Variants in PRKAA1 observed in about 807,000 individuals in gnomAD.
The protein encoded by PRKAA1 is 5'-AMP-activated protein kinase catalytic subunit alpha-1.
Under a neutral mutation model 56.9 loss-of-function variants are expected in PRKAA1, and 23 were observed. The ratio of observed to expected loss-of-function variants is 0.40; its 90% CI spans 0.29 to 0.57. PRKAA1 has a LOEUF of 0.57. Among genes scored for constraint, PRKAA1 ranks in the 20% least tolerant of loss-of-function variants. PRKAA1 has a pLI of 0.39. For synonymous variants in PRKAA1, 226 were observed against 227.0 expected, an observed-to-expected ratio of 1.00 and a Z score of 0.04; for missense variants, 413 against 679.7, an observed-to-expected ratio of 0.61 and a Z score of 4.36.
At chr5:40,796,739 T>C (rs1028820910) in intron 1 of PRKAA1, among the ~76,000 whole-genome samples, 3 of 152,218 alleles carry the variant, frequency 2.0e-5, no homozygotes, top group African/African-American at 7.2e-5. Flanking sequence ...GAAGGAAGCG[T>C]TCTTCTCTTC....
chr5:40,774,549 A>ACTTTTTTTTTTTTTTTTTTTT (rs1554031839), intron 3 of PRKAA1, among the ~76,000 whole-genome samples: 1 of 125,084 alleles, frequency 8.0e-6, no homozygotes. Context: ...TCCAGGCAGA[A>ACTTTTTTTTTTTTTTTTTTTT]TTTTTTTTTT....
chr5:40,765,269 G>A (rs771976560), intron 6 of PRKAA1, 31 bp from the exon 7 acceptor site: 24 of 1,575,196 alleles, frequency 1.5e-5, no homozygotes, highest in Non-Finnish European at 1.9e-5. Context: ...TCAGGAGAAG[G>A]ACTTTGAATA....
chr5:40,780,310 G>A (rs753653858), intron 1 of PRKAA1, among the ~76,000 whole-genome samples: 1 of 152,016 alleles, frequency 6.6e-6, no homozygotes, highest in Non-Finnish European at 1.5e-5. Flanking sequence ...TTTTGCAAGG[G>A]AACAATTTCA....
At chr5:40,780,238 T>C (rs1744209841) in intron 1 of PRKAA1, among the ~76,000 whole-genome samples, 1 of 152,178 alleles carries the variant, frequency 6.6e-6, no homozygotes, top group African/African-American at 2.4e-5. Context: ...CAATAATAAT[T>C]AGCTTTTAAA....
At chr5:40,794,993 G>T (rs1013994389) in intron 1 of PRKAA1, among the ~76,000 whole-genome samples, 6 of 113,410 alleles carry the variant, frequency 5.3e-5, no homozygotes, top group African/African-American at 2.0e-4. Context: ...AGAAACTGTG[G>T]TGTATACATA....
chr5:40,788,513 G>C (rs1045272761), intron 1 of PRKAA1, among the ~76,000 whole-genome samples: 14 of 151,972 alleles, frequency 9.2e-5, no homozygotes, highest in Non-Finnish European at 1.9e-4. Flanking sequence ...TAAACAAATG[G>C]GATGACATCA....
chr5:40,786,573 C>T (rs1477392231), intron 1 of PRKAA1, among the ~76,000 whole-genome samples: 1 of 151,218 alleles, frequency 6.6e-6, no homozygotes, highest in Non-Finnish European at 1.5e-5. Context: ...CTACATCAAG[C>T]AGAAGAAAAG....
chr5:40,786,348 G>C (rs1167617947), intron 1 of PRKAA1, among the ~76,000 whole-genome samples: 2 of 151,740 alleles, frequency 1.3e-5, no homozygotes, highest in African/African-American at 4.8e-5. Flanking sequence ...ATGGCCCTTT[G>C]ATTTCAAATT....
chr5:40,788,713 G>A (rs1356287232), intron 1 of PRKAA1, among the ~76,000 whole-genome samples: 3 of 152,054 alleles, frequency 2.0e-5, no homozygotes, highest in Non-Finnish European at 2.9e-5. Context: ...TGTAGTCCCA[G>A]CTACTCATGA....
At chr5:40,773,982 C>G (rs982682660) in intron 3 of PRKAA1, among the ~76,000 whole-genome samples, 29 of 152,184 alleles carry the variant, frequency 1.9e-4, no homozygotes, top group Admixed American at 7.9e-4. Context: ...GGAGCACTGG[C>G]AGCTAAGCTA....
intron 1 of PRKAA1, among the ~76,000 whole-genome samples, chr5:40,795,813 A>G (rs1744902477): frequency 6.6e-6 from 1 of 152,214 alleles, no homozygotes; most frequent in African/African-American, 2.4e-5. Context: ...CCTTGGACTA[A>G]TATTGGCCTT....
intron 6 of PRKAA1, among the ~76,000 whole-genome samples, chr5:40,765,746 G>A (rs1174156557): frequency 1.5e-5 from 1 of 67,944 alleles, no homozygotes; most frequent in African/African-American, 5.9e-5. Flanking sequence ...TGAAGGAATT[G>A]AGGTTAAAAA....
chr5:40,762,788 A>G lies in PRKAA1; in HGVS notation c.1670T>C (p.Leu557Pro). Reference sequence around the variant, plus strand: ...AGCAAAGTTTTCTGTTTATTGTGCAAGAATTTTAATTAGATTTGCACACAT... The same window carrying G: ...AGCAAAGTTTTCTGTTTATTGTGCAGGAATTTTAATTAGATTTGCACACAT... ...FEMCANLIKILAQ is the reference protein window; with the variant it reads ...FEMCANLIKIPAQ Residue 557 changes from leucine (L) to proline (P), a missense_variant, in exon 9 of 9, where the codon CTT becomes CCT. By Grantham distance (98) the Leu-to-Pro change is moderately conservative. Around this residue, in one of 9 missense-constraint regions of PRKAA1, gnomAD observed 139 missense variants for 171.5 expected, o/e 0.81. Coordinates refer to ENST00000397128, the MANE Select transcript of PRKAA1 (RefSeq NM_006251.6). 1 of 1,614,062 alleles carries G rather than the reference A, an allele frequency of 6.2e-7. No homozygotes were observed. Among genetic ancestry groups the G allele is most frequent in the Non-Finnish European group, 8.5e-7 (1 of 1,179,942 alleles).
intron 8 of PRKAA1, 141 bp downstream of exon 8, chr5:40,764,373 C>A: frequency 2.6e-6 from 2 of 757,942 alleles, no homozygotes; most frequent in East Asian, 2.8e-5. Flanking sequence ...GTTAATATTG[C>A]AAAGGCACAA....
intron 4 of PRKAA1, among the ~76,000 whole-genome samples, chr5:40,771,450 T>C (rs946688268): frequency 6.6e-6 from 1 of 152,192 alleles, no homozygotes; most frequent in African/African-American, 2.4e-5. Context: ...TGCAGTGAGC[T>C]ATGATCACGT....
chr5:40,794,437 G>T (rs1744841729), intron 1 of PRKAA1, among the ~76,000 whole-genome samples: 1 of 152,104 alleles, frequency 6.6e-6, no homozygotes, highest in African/African-American at 2.4e-5. Flanking sequence ...CCACTGTGTG[G>T]GTTGTCTGTT....
Position 40,763,007 on chromosome 5 carries a change from G to T in PRKAA1, c.1451C>A (p.Ala484Asp). 5 of 1,613,938 alleles carry T rather than the reference G, an allele frequency of 3.1e-6. No homozygotes were observed. Among genetic ancestry groups the T allele is most frequent in the Non-Finnish European group, 4.2e-6 (5 of 1,179,862 alleles). ...CTGTGGAGTAGCAGTCCCTGATTTG[G>T]CTTCTGTAATTTCATCTGGGTAAAA... ...FRSIDDEITE[A>D]KSGTATPQRS... Residue 484 changes from alanine to aspartate, a missense_variant, in exon 9 of 9, where the codon GCC (alanine) becomes GAC (aspartate). By Grantham distance (126) the Ala-to-Asp change is moderately radical. Around this residue, in one of 9 missense-constraint regions of PRKAA1, gnomAD observed 139 missense variants for 171.5 expected, o/e 0.81. Coordinates refer to ENST00000397128, the MANE Select transcript of PRKAA1 (RefSeq NM_006251.6).
chr5:40,763,358 G>C (rs1262506884), intron 8 of PRKAA1, among the ~76,000 whole-genome samples: 1 of 152,022 alleles, frequency 6.6e-6, no homozygotes, highest in East Asian at 1.9e-4. Flanking sequence ...TAAAATCATA[G>C]AATCGATGCA....
intron 1 of PRKAA1, among the ~76,000 whole-genome samples, chr5:40,792,623 T>C (rs1744762082): frequency 6.6e-6 from 1 of 152,224 alleles, no homozygotes. Flanking sequence ...AGGTCTAACC[T>C]TATATTTTTA....
Sources: allele counts gnomAD v4.1 joint callset (sites outside exome capture counted in the v4.1 genomes callset), GRCh38; gene constraint gnomAD v4.1.1; regional missense constraint gnomAD v4.1.1; transcripts MANE v1.5; gene names NCBI Gene and HGNC (gene_info 2026-07-23, HGNC 2026-07-21).